AOPEP: variants seen among roughly 807,000 people sequenced by gnomAD.
AOPEP encodes aminopeptidase O.
A neutral mutation model predicts 98.1 loss-of-function variants in AOPEP; 77 were observed. That is an observed-to-expected ratio of 0.78 (90% CI 0.65 to 0.95). The LOEUF (loss-of-function observed/expected upper bound fraction) is 0.95, where lower values mean the gene tolerates loss of function less well. Ranked by LOEUF, AOPEP falls within the 40% of genes least tolerant of loss-of-function variation. The pLI is 0.00. For synonymous variants in AOPEP, 346 were observed against 365.3 expected, an observed-to-expected ratio of 0.95 and a Z score of 0.60; for missense variants, 1,024 against 1,024.7, an observed-to-expected ratio of 1.00 and a Z score of 0.01.
At chr9:94,753,130 T>TA (rs1347594239) in intron 1 of AOPEP, among the ~76,000 whole-genome samples, 1 of 152,186 alleles carries the variant, frequency 6.6e-6, no homozygotes, top group Non-Finnish European at 1.5e-5. Context: ...AGCTGACTGT[T>TA]ACCCACATTC....
At chr9:94,809,495 AC>A (rs1007733066) in intron 5 of AOPEP, among the ~76,000 whole-genome samples, 2 of 152,170 alleles carry the variant, frequency 1.3e-5, no homozygotes, top group African/African-American at 4.8e-5. Context: ...AGTCCATGAT[AC>A]AGCTGGAGAT....
intron 13 of AOPEP, chr9:95,022,229 G>A (rs1368426182): frequency 6.6e-6 from 1 of 152,228 alleles, no homozygotes; most frequent in Non-Finnish European, 1.5e-5. Flanking sequence ...TGTCTAGAGG[G>A]TGAGGTATGT....
At chr9:94,765,042 G>T (rs1839232701) in intron 2 of AOPEP, among the ~76,000 whole-genome samples, 1 of 152,008 alleles carries the variant, frequency 6.6e-6, no homozygotes, top group South Asian at 2.1e-4. Context: ...TATATTTGTA[G>T]TCTCAATCTC....
chr9:95,128,760 ATTTC>A, the AOPEP span, among the ~76,000 whole-genome samples: 1 of 152,248 alleles, frequency 6.6e-6, no homozygotes, highest in South Asian at 2.1e-4. Flanking sequence ...CTCCTCTTAG[ATTTC>A]TTTCTTTCCA....
At chr9:95,083,601 C>T (rs1195872299) in intron 16 of AOPEP, among the ~76,000 whole-genome samples, 1 of 151,528 alleles carries the variant, frequency 6.6e-6, no homozygotes, top group Non-Finnish European at 1.5e-5. Flanking sequence ...ACAGCACATG[C>T]ACCACACGTA....
At chr9:94,775,994 A>C (rs974426923) in intron 3 of AOPEP, among the ~76,000 whole-genome samples, 2 of 151,702 alleles carry the variant, frequency 1.3e-5, no homozygotes, top group Admixed American at 6.6e-5. Context: ...TAAATAAATA[A>C]ATAAATAAAA....
At chr9:95,030,108 C>T (rs189709835) in intron 13 of AOPEP, among the ~76,000 whole-genome samples, 2 of 152,024 alleles carry the variant, frequency 1.3e-5, no homozygotes, top group Non-Finnish European at 2.9e-5. Flanking sequence ...AACTTTTTTT[C>T]CCCCTGAATA....
chr9:94,792,912 A>G lies in AOPEP; in HGVS notation c.1112A>G (p.Asn371Ser). The G allele has an allele frequency of 6.2e-7, 1 of 1,603,608 alleles. No individual in the cohort carries two copies. The change falls in exon 4 of 17, where the codon AAC (asparagine) becomes AGC (serine). Residue 371 changes from asparagine to serine, a missense_variant. By Grantham distance (46) the Asn-to-Ser change is conservative. Around this residue, in one of 3 missense-constraint regions of AOPEP, gnomAD observed 18 missense variants for 39.1 expected, o/e 0.46. Coordinates refer to ENST00000375315, the MANE Select transcript of AOPEP (RefSeq NM_001193329.3). ...AGACCCTTCTCACCTTCTGAGGCCA[A>G]CTTCAGGTTTGTGTTTGGGGACTTG... ...TERPFSPSEA[N>S]FRHVGVCSHM...
At chr9:94,845,893 G>A (rs1368822389) in intron 5 of AOPEP, among the ~76,000 whole-genome samples, 3 of 152,026 alleles carry the variant, frequency 2.0e-5, no homozygotes, top group Non-Finnish European at 2.9e-5. Flanking sequence ...TCAGGAGTTC[G>A]AGACCAGCCT....
At chr9:94,927,353 A>G (rs1275977849) in intron 6 of AOPEP, among the ~76,000 whole-genome samples, 2 of 152,232 alleles carry the variant, frequency 1.3e-5, no homozygotes, top group Non-Finnish European at 2.9e-5. Context: ...AGTTTAGTCC[A>G]TAACAGCAGG....
chr9:95,113,830 G>T, the AOPEP span: 1 of 152,322 alleles, frequency 6.6e-6, no homozygotes, highest in South Asian at 2.1e-4. Context: ...CACCGTGTTA[G>T]CCAGGATGGT....
intron 13 of AOPEP, among the ~76,000 whole-genome samples, chr9:95,021,495 A>G (rs578243567): frequency 1.3e-5 from 2 of 152,368 alleles, no homozygotes; most frequent in Admixed American, 6.5e-5. Flanking sequence ...CAACAATAGC[A>G]TTACCTAATC....
At chr9:94,932,644 C>T (rs558756193) in intron 7 of AOPEP, 287 of 205,876 alleles carry the variant, frequency 1.4e-3, no homozygotes, top group Non-Finnish European at 2.1e-3. Flanking sequence ...CCACTATGCC[C>T]GGCTAATTTT....
At chr9:94,878,103 T>C (rs1429111224) in intron 5 of AOPEP, among the ~76,000 whole-genome samples, 1 of 151,926 alleles carries the variant, frequency 6.6e-6, no homozygotes, top group East Asian at 1.9e-4. Context: ...GTAGAGCTAA[T>C]GCCATCTAGT....
chr9:94,844,861 G>A (rs1007563415), intron 5 of AOPEP, among the ~76,000 whole-genome samples: 3 of 152,130 alleles, frequency 2.0e-5, no homozygotes, highest in Non-Finnish European at 2.9e-5. Flanking sequence ...AGGTGGGATG[G>A]TATGGTACCT....
chr9:94,991,988 A>G (rs2060919381), intron 11 of AOPEP, among the ~76,000 whole-genome samples: 1 of 152,254 alleles, frequency 6.6e-6, no homozygotes, highest in African/African-American at 2.4e-5. Context: ...AAACAAACAA[A>G]CGAATGGGAA....
intron 5 of AOPEP, among the ~76,000 whole-genome samples, chr9:94,885,635 A>G (rs2048153901): frequency 6.6e-6 from 1 of 152,076 alleles, no homozygotes; most frequent in South Asian, 2.1e-4. Flanking sequence ...CCCAGGAACA[A>G]GAGGAGAATG....
intron 7 of AOPEP, among the ~76,000 whole-genome samples, chr9:94,951,527 T>G (rs1004027186): frequency 3.3e-5 from 5 of 152,132 alleles, no homozygotes; most frequent in African/African-American, 1.2e-4. Flanking sequence ...GAAGAGGGTG[T>G]GATGCATAAT....
At chr9:94,907,182 A>T (rs1031570003) in intron 5 of AOPEP, among the ~76,000 whole-genome samples, 11 of 152,206 alleles carry the variant, frequency 7.2e-5, no homozygotes, top group African/African-American at 2.7e-4. Context: ...TTTCCTAAGG[A>T]AAGTACAGTC....
Sources: gnomAD v4.1 joint callset for allele counts (sites outside exome capture counted in the v4.1 genomes callset) on GRCh38, gnomAD v4.1.1 for gene constraint, gnomAD v4.1.1 regional missense constraint, MANE v1.5 for transcripts, NCBI Gene and HGNC (gene_info 2026-07-23, HGNC 2026-07-21) for gene names.